Variants in CCSER1 observed in about 807,000 individuals in gnomAD.
CCSER1 encodes serine-rich coiled-coil domain-containing protein 1.
A neutral mutation model predicts 82.0 loss-of-function variants in CCSER1; 41 were observed. The ratio of observed to expected loss-of-function variants is 0.50; its 90% CI spans 0.39 to 0.65. The LOEUF (loss-of-function observed/expected upper bound fraction) is 0.65, where lower values mean the gene tolerates loss of function less well. Among genes scored for constraint, CCSER1 ranks in the 30% least tolerant of loss-of-function variants. The pLI, the probability that CCSER1 is intolerant of heterozygous loss-of-function variation, is 0.00. For missense variants in CCSER1, 1,119 were observed against 1,064.2 expected (o/e 1.05, Z -0.72); for synonymous variants, 414 against 383.9 (o/e 1.08, Z -0.92).
intron 10 of CCSER1, among the ~76,000 whole-genome samples, chr4:91,444,129 G>A (rs763886543): frequency 4.6e-5 from 7 of 152,006 alleles, no homozygotes; most frequent in Non-Finnish European, 7.4e-5. Context: ...GATGGGGTGC[G>A]ATCACATATA....
At chr4:91,022,804 T>TCTTCTTTTATGACA (rs1740121528) in intron 9 of CCSER1, among the ~76,000 whole-genome samples, 1 of 152,226 alleles carries the variant, frequency 6.6e-6, no homozygotes, top group Non-Finnish European at 1.5e-5. Flanking sequence ...TGCATAAATG[T>TCTTCTTTTATGACA]CTTCTTTTAA....
chr4:91,210,700 T>G (rs4693267), intron 10 of CCSER1, among the ~76,000 whole-genome samples: 1 of 151,678 alleles, frequency 6.6e-6, no homozygotes, highest in Non-Finnish European at 1.5e-5. Context: ...TACTGTAGAT[T>G]GAAGAAGATA....
chr4:90,718,814 C>T (rs1742149786), intron 6 of CCSER1, among the ~76,000 whole-genome samples: 1 of 151,994 alleles, frequency 6.6e-6, no homozygotes, highest in African/African-American at 2.4e-5. Context: ...TTTATATTTA[C>T]AGAAAATATG....
intron 7 of CCSER1, among the ~76,000 whole-genome samples, chr4:90,777,334 GCTACAGAGTGA>G (rs1580418361): frequency 8.2e-6 from 1 of 121,378 alleles, no homozygotes; most frequent in East Asian, 2.5e-4. Context: ...TCCAGCCTGG[GCTACAGAGTGA>G]CTCCATCTCA....
At position 90,191,786 on chromosome 4, in the gene CCSER1, C is replaced by T. The variant is rs751692474; in HGVS notation, c.-42+63955C>T. Among the ~76,000 whole-genome samples, 112 of 152,132 alleles carry T rather than the reference C, an allele frequency of 7.4e-4. 1 individual carries two copies. The highest frequency in any genetic ancestry group is 1.4e-3 in the Non-Finnish European group (92 of 67,968). On this transcript the variant is annotated intron_variant, in intron 1 of 10. Transcript: ENST00000509176. ...ATAATCCTTGCCTTTAAGAAATCTA[C>T]GTTTTCCTTGATGTGTGCAGACAAA...
At chr4:90,416,936 CT>C (rs141053456) in intron 4 of CCSER1, among the ~76,000 whole-genome samples, 9,536 of 152,170 alleles carry the variant, frequency 0.063, 755 homozygotes, top group African/African-American at 0.19. Context: ...TCTTAGCAAA[CT>C]TAACACAGGA....
At chr4:90,890,975 C>G (rs1430029216) in intron 8 of CCSER1, among the ~76,000 whole-genome samples, 7 of 151,948 alleles carry the variant, frequency 4.6e-5, no homozygotes, top group Admixed American at 3.9e-4. Flanking sequence ...TTAAATAAGA[C>G]CCATAAGAGA....
At chr4:91,096,210 G>C (rs1437571404) in intron 10 of CCSER1, among the ~76,000 whole-genome samples, 2 of 152,176 alleles carry the variant, frequency 1.3e-5, no homozygotes, top group Non-Finnish European at 2.9e-5. Context: ...GGCCGTAAAT[G>C]GGCCGCCAAG....
intron 4 of CCSER1, among the ~76,000 whole-genome samples, chr4:90,418,726 G>A (rs1231767216): frequency 1.3e-5 from 2 of 151,950 alleles, no homozygotes; most frequent in African/African-American, 4.8e-5. Flanking sequence ...GTTTTAAACT[G>A]ACCTTCTGTT....
chr4:91,289,201 G>T (rs973679976), intron 10 of CCSER1, among the ~76,000 whole-genome samples: 6 of 152,020 alleles, frequency 3.9e-5, no homozygotes, highest in Middle Eastern at 3.4e-3. Context: ...TATTGACCTA[G>T]ACTCCCACAC....
intron 3 of CCSER1, among the ~76,000 whole-genome samples, chr4:90,345,206 T>C (rs1742111094): frequency 6.6e-6 from 1 of 152,134 alleles, no homozygotes; most frequent in African/African-American, 2.4e-5. Context: ...TGTGTAGGAA[T>C]GTAGTAGGAG....
At chr4:90,511,439 T>C (rs1238500132) in intron 5 of CCSER1, among the ~76,000 whole-genome samples, 1 of 152,030 alleles carries the variant, frequency 6.6e-6, no homozygotes, top group Non-Finnish European at 1.5e-5. Context: ...AAGATAAAAA[T>C]CCTTGGTAAC....
chr4:90,362,569 G>A (rs1745554771), intron 3 of CCSER1, among the ~76,000 whole-genome samples: 2 of 152,270 alleles, frequency 1.3e-5, no homozygotes, highest in South Asian at 4.1e-4. Flanking sequence ...TTCAGAAAAG[G>A]AGAATATTGG....
At chr4:91,058,561 T>A (rs916184569) in intron 9 of CCSER1, among the ~76,000 whole-genome samples, 2 of 152,052 alleles carry the variant, frequency 1.3e-5, no homozygotes, top group African/African-American at 4.8e-5. Context: ...TTCCCAATCT[T>A]GTATTCTCAT....
intron 10 of CCSER1, among the ~76,000 whole-genome samples, chr4:91,151,650 T>C (rs993128703): frequency 6.6e-6 from 1 of 152,232 alleles, no homozygotes; most frequent in Non-Finnish European, 1.5e-5. Flanking sequence ...TTTAACTGTG[T>C]CCCAGAGATT....
chr4:90,371,431 C>A (rs1230785428), intron 3 of CCSER1, among the ~76,000 whole-genome samples: 1 of 151,774 alleles, frequency 6.6e-6, no homozygotes, highest in Non-Finnish European at 1.5e-5. Flanking sequence ...ATATTTTGCA[C>A]ATTTTACATA....
At chr4:90,381,797 A>G (rs1749250188) in intron 3 of CCSER1, among the ~76,000 whole-genome samples, 1 of 152,144 alleles carries the variant, frequency 6.6e-6, no homozygotes, top group African/African-American at 2.4e-5. Flanking sequence ...ATTACATTTA[A>G]AATTTCAATT....
intron 9 of CCSER1, among the ~76,000 whole-genome samples, chr4:91,068,249 T>C (rs1041830352): frequency 5.9e-5 from 9 of 152,336 alleles, no homozygotes; most frequent in Middle Eastern, 3.4e-3. Flanking sequence ...GTAGATATCA[T>C]AGAGAAATAA....
intron 8 of CCSER1, among the ~76,000 whole-genome samples, chr4:90,874,150 C>T (rs1015248928): frequency 6.6e-6 from 1 of 152,100 alleles, no homozygotes; most frequent in African/African-American, 2.4e-5. Flanking sequence ...TTCTACCTAA[C>T]ACTGCTGTAG....
Sources: allele counts gnomAD v4.1 joint callset (sites outside exome capture counted in the v4.1 genomes callset), GRCh38; gene constraint gnomAD v4.1.1; transcripts MANE v1.5; gene names NCBI Gene and HGNC (gene_info 2026-07-23, HGNC 2026-07-21).